PCF11: variants seen among roughly 807,000 people sequenced by gnomAD.
The protein encoded by PCF11 is pre-mRNA cleavage complex 2 protein Pcf11.
A neutral mutation model predicts 166.1 loss-of-function variants in PCF11; 19 were observed. The observed-to-expected ratio is 0.11, with a 90% CI of 0.08 to 0.17. The LOEUF (loss-of-function observed/expected upper bound fraction) is 0.17. Ranked by LOEUF, PCF11 falls within the 10% of genes least tolerant of loss-of-function variation. The pLI is 1.00. For synonymous variants in PCF11, 663 were observed against 644.1 expected (o/e 1.03, Z -0.44); for missense variants, 1,565 against 1,855.5 (o/e 0.84, Z 2.88).
intron 1 of PCF11, chr11:83,158,365 C>T (rs1257449346): frequency 2.6e-5 from 4 of 152,204 alleles, no homozygotes; most frequent in Admixed American, 1.3e-4. Context: ...CTTATCCAAC[C>T]TGTAGGTGGA....
chr11:83,159,394 C>T (rs1203719011), intron 1 of PCF11, among the ~76,000 whole-genome samples: 1 of 152,092 alleles, frequency 6.6e-6, no homozygotes, highest in Middle Eastern at 3.2e-3. Flanking sequence ...TACCTCGTAT[C>T]TTGGGATTTA....
At chr11:83,169,904 T>C in exon 8 of PCF11, 1 of 1,611,568 alleles carries the variant, frequency 6.2e-7, no homozygotes, top group Non-Finnish European at 8.5e-7. Flanking sequence ...GGACACTATT[T>C]TGATGAAAAA....
chr11:83,178,838 AT>A (rs1050089088), intron 11 of PCF11, among the ~76,000 whole-genome samples: 1 of 152,012 alleles, frequency 6.6e-6, no homozygotes, highest in Admixed American at 6.6e-5. Context: ...TCTATTTTTC[AT>A]TTTATAAGTA....
At chr11:83,166,680 A>G (rs1349554697) in exon 5 of PCF11, 2 of 1,600,366 alleles carry the variant, frequency 1.2e-6, no homozygotes, top group Non-Finnish European at 8.5e-7. Flanking sequence ...CAAGTCTGCC[A>G]AAAGATGGAA....
In PCF11 at chr11:83,167,082, T is replaced by C; in HGVS notation, c.1818-43T>C. The C allele has an allele frequency of 6.7e-7, 1 of 1,488,040 alleles. No homozygotes were observed. The highest frequency in any genetic ancestry group is 9.2e-7 in the Non-Finnish European group (1 of 1,089,726). The allele number at this position is 1,488,040 out of a possible 1,614,324, so 92.2% of individuals were successfully genotyped here. The stretch of plus-strand genomic sequence containing the variant: ...TTTAAATATGGTCCTGAGTATTTTT[T>C]AAAAAAACATTTCAATGTAACATAC... On this transcript the variant is annotated intron_variant, in intron 5 of 15. Coordinates refer to ENST00000298281, the Ensembl canonical transcript of PCF11. This position sits in a 1 kb window ranked among gnomAD's most constrained non-coding sequence, Gnocchi z 4.2.
intron 11 of PCF11, among the ~76,000 whole-genome samples, chr11:83,179,933 C>G (rs535310657): frequency 6.6e-6 from 1 of 151,678 alleles, no homozygotes; most frequent in Non-Finnish European, 1.5e-5. Context: ...AAAAAACGGG[C>G]GGGGGGTGGA....
At chr11:83,161,014 G>A (rs1026497097) in intron 1 of PCF11, among the ~76,000 whole-genome samples, 1 of 152,004 alleles carries the variant, frequency 6.6e-6, no homozygotes, top group African/African-American at 2.4e-5. Flanking sequence ...ATTTTCCCTC[G>A]CCTCCTCCTT....
intron 2 of PCF11, among the ~76,000 whole-genome samples, 185 bp from the exon 3 acceptor site, chr11:83,163,494 A>C (rs1860336387): frequency 6.6e-6 from 1 of 152,174 alleles, no homozygotes; most frequent in Non-Finnish European, 1.5e-5. Flanking sequence ...CTAGGTGAAA[A>C]TGGTTTTAAT....
chr11:83,162,051 G>A (rs1860277850), intron 2 of PCF11, among the ~76,000 whole-genome samples: 1 of 152,122 alleles, frequency 6.6e-6, no homozygotes, highest in African/African-American at 2.4e-5. Flanking sequence ...CAGAAATTAG[G>A]CTTATTTTTC....
exon 8 of PCF11, chr11:83,169,403 C>T (rs746280401): frequency 9.3e-6 from 15 of 1,613,614 alleles, no homozygotes; most frequent in Middle Eastern, 1.6e-4. Context: ...ATTGAAGGGC[C>T]TCTGGGTCAA....
Position 83,168,450 on chromosome 11 carries a change from T to A in PCF11, c.2115T>A (p.Ser705=), listed in dbSNP as rs139135084. The A allele has an allele frequency of 1.4e-5, 22 of 1,604,320 alleles. No individual in the cohort carries two copies. The East Asian group carries it at 4.9e-4, about 36-fold the overall frequency. Residue 705 remains serine, a synonymous_variant, in exon 8 of 16, where the codon TCT becomes TCA. Coordinates refer to ENST00000298281, the Ensembl canonical transcript of PCF11. Reference sequence around the variant, plus strand: ...AAGGTGTGCGAGAAGAGCAGAGATCTCCATTCAATGATCGTTTTCCACTTA... The same window carrying A: ...AAGGTGTGCGAGAAGAGCAGAGATCACCATTCAATGATCGTTTTCCACTTA...
At chr11:83,183,219 T>G in intron 15 of PCF11, 146 bp downstream of exon 15, 1 of 515,856 alleles carries the variant, frequency 1.9e-6, no homozygotes. Context: ...TTTAGGTTGT[T>G]CAGTAAAAAC....
chr11:83,175,433 T>C (rs115987530), intron 9 of PCF11, among the ~76,000 whole-genome samples: 15,451 of 150,422 alleles, frequency 0.1, 928 homozygotes, highest in Middle Eastern at 0.22. Context: ...GCACCTGGCC[T>C]AAAATATTGT....
At chr11:83,163,986 G>GA (rs765437807) in intron 3 of PCF11, 119 bp downstream of exon 3, 37,925 of 399,284 alleles carry the variant, frequency 0.095, 67 homozygotes, top group South Asian at 0.13. Flanking sequence ...GGTTCAATTT[G>GA]AAAAAAAAAA....
chr11:83,177,318 A>G (rs1422929510), intron 10 of PCF11, 114 bp downstream of exon 10: 2 of 789,312 alleles, frequency 2.5e-6, no homozygotes, highest in Non-Finnish European at 3.7e-6. Context: ...TTGAATTCCT[A>G]GGTATAGCTT....
intron 2 of PCF11, among the ~76,000 whole-genome samples, chr11:83,162,276 A>G (rs942275426): frequency 6.6e-6 from 1 of 152,230 alleles, no homozygotes; most frequent in Non-Finnish European, 1.5e-5. Flanking sequence ...ATTTTAGTAG[A>G]TGAACACCTG....
At chr11:83,181,236 A>G in intron 12 of PCF11, 45 bp downstream of exon 12, 1 of 819,242 alleles carries the variant, frequency 1.2e-6, no homozygotes, top group Middle Eastern at 2.5e-4. Context: ...GGCTTAAATT[A>G]TATCATTCTA....
exon 11 of PCF11, chr11:83,177,738 C>T (rs751372592): frequency 2.6e-6 from 4 of 1,539,028 alleles, no homozygotes; most frequent in South Asian, 2.4e-5. Flanking sequence ...ACTGCTCAGC[C>T]TCCCCCTGAA....
chr11:83,184,646 T>C, intron 15 of PCF11, 33 bp from the exon 16 acceptor site: 1 of 1,445,050 alleles, frequency 6.9e-7, no homozygotes, highest in Non-Finnish European at 9.6e-7. Context: ...TTTTGAACTT[T>C]CATCAGTACT....
Sources: gnomAD v4.1 joint callset for allele counts (sites outside exome capture counted in the v4.1 genomes callset) on GRCh38, gnomAD v4.1.1 for gene constraint, Gnocchi (gnomAD v3.1) non-coding constraint, MANE v1.5 for transcripts, NCBI Gene and HGNC (gene_info 2026-07-23, HGNC 2026-07-21) for gene names.